Variants in MBD2 observed in about 807,000 individuals in gnomAD.
MBD2 encodes the protein methyl-CpG binding domain protein 2, also known as methyl-CpG-binding domain protein 2.
In MBD2, 9 loss-of-function variants were observed where a neutral mutation model predicts 39.3. The ratio of observed to expected loss-of-function variants is 0.23; its 90% CI spans 0.14 to 0.40. MBD2 has a LOEUF of 0.40. Ranked by LOEUF, MBD2 falls within the 10% of genes least tolerant of loss-of-function variation. MBD2 has a pLI of 1.00. For synonymous variants in MBD2, 233 were observed against 211.1 expected, an observed-to-expected ratio of 1.10 and a Z score of -0.90; for missense variants, 458 against 532.6, an observed-to-expected ratio of 0.86 and a Z score of 1.38.
intron 2 of MBD2, chr18:54,202,929 T>G: frequency 9.7e-7 from 1 of 1,034,244 alleles, no homozygotes; most frequent in South Asian, 1.3e-5. Flanking sequence ...GCCTGGAGTA[T>G]GCAGGGCAGG....
At chr18:54,166,277 C>A in intron 3 of MBD2, 111 bp from the exon 4 acceptor site, 1 of 678,852 alleles carries the variant, frequency 1.5e-6, no homozygotes, top group Admixed American at 2.8e-5. Flanking sequence ...CCTATAATTT[C>A]CTCATTTTTT....
In MBD2 at chr18:54,210,941, G is replaced by T. The variant is rs1023529773; in HGVS notation, c.543-5784C>A. On this transcript the variant is annotated intron_variant, in intron 1 of 6. Transcript: ENST00000256429. ...GGCTGGAGTGCAGTGGCGGGATCTC[G>T]GCTCACTGCAAGCTCCGCCTCCCGG... Among the ~76,000 whole-genome samples, 12 of 143,300 alleles carry T rather than the reference G, an allele frequency of 8.4e-5. No homozygotes were observed. The South Asian group carries it at 2.7e-3, about 33-fold the overall frequency. 94.0% of individuals were successfully genotyped at this position (143,300 alleles called of 152,430 possible).
chr18:54,181,433 C>T (rs2086251328), intron 3 of MBD2, among the ~76,000 whole-genome samples: 1 of 152,168 alleles, frequency 6.6e-6, no homozygotes, highest in Non-Finnish European at 1.5e-5. Flanking sequence ...AGATATCATT[C>T]TCCCACTTTA....
intron 1 of MBD2, among the ~76,000 whole-genome samples, chr18:54,218,014 TCA>T (rs2086575591): frequency 6.6e-6 from 1 of 152,322 alleles, no homozygotes; most frequent in African/African-American, 2.4e-5. Flanking sequence ...CAGGCTTCAA[TCA>T]CACAACATCA....
intron 3 of MBD2, among the ~76,000 whole-genome samples, chr18:54,184,425 C>T (rs1033556252): frequency 6.6e-6 from 1 of 152,158 alleles, no homozygotes; most frequent in Non-Finnish European, 1.5e-5. Flanking sequence ...CCATCCCCCT[C>T]GCCCTCACCT....
At chr18:54,198,956 T>TA (rs1027899253) in intron 2 of MBD2, among the ~76,000 whole-genome samples, 1 of 152,108 alleles carries the variant, frequency 6.6e-6, no homozygotes, top group Non-Finnish European at 1.5e-5. Context: ...AGGAAAGGGG[T>TA]AAAAAATGCA....
At chr18:54,169,914 T>C (rs974438267) in intron 3 of MBD2, among the ~76,000 whole-genome samples, 3 of 152,262 alleles carry the variant, frequency 2.0e-5, no homozygotes, top group African/African-American at 7.2e-5. Flanking sequence ...CTTGTTCTCT[T>C]TGTTACCTTC....
chr18:54,207,228 A>T (rs2086457699), intron 1 of MBD2, among the ~76,000 whole-genome samples: 1 of 152,200 alleles, frequency 6.6e-6, no homozygotes, highest in Non-Finnish European at 1.5e-5. Context: ...TATGCCATAT[A>T]CCTTTGAATC....
intron 3 of MBD2, among the ~76,000 whole-genome samples, chr18:54,177,965 G>A (rs140927548): frequency 0.018 from 2,677 of 150,716 alleles, 81 homozygotes; most frequent in African/African-American, 0.062. Context: ...TCAGCCACCC[G>A]AGTAACTGGA....
intron 5 of MBD2, among the ~76,000 whole-genome samples, chr18:54,162,615 C>T (rs2086105069): frequency 6.6e-6 from 1 of 152,144 alleles, no homozygotes. Context: ...CTCAGAGAAC[C>T]TCCGTCAACA....
At chr18:54,212,282 C>T (rs2086514571) in intron 1 of MBD2, among the ~76,000 whole-genome samples, 1 of 152,122 alleles carries the variant, frequency 6.6e-6, no homozygotes, top group Non-Finnish European at 1.5e-5. Flanking sequence ...ACTACCTCTT[C>T]CACAAAGCCT....
intron 2 of MBD2, chr18:54,203,123 C>G: frequency 6.2e-7 from 1 of 1,611,056 alleles, no homozygotes; most frequent in Non-Finnish European, 8.5e-7. Context: ...AAAGTGCACA[C>G]AAACTGAAGA....
Position 54,224,278 on chromosome 18 carries a change from G to C in MBD2, c.282C>G (p.Arg94=). ...CGCTGCCGCCACTCGGGGGACGGCC[G>C]CGGCCCCGGCCCCGGCCCCGTCCCC... is the stretch of plus-strand genomic sequence containing the variant. The part of the protein sequence containing the change: ...RGRGRGRGRG[R]GRPPSGGSGL... The change falls in exon 1 of 7, where the codon CGC becomes CGG. Residue 94 remains arginine, a synonymous_variant. Coordinates refer to ENST00000256429, the MANE Select transcript of MBD2 (RefSeq NM_003927.5). 2.1e-6 allele frequency: 2 copies of C among 942,260 alleles called. No homozygotes were observed. The highest frequency in any genetic ancestry group is 2.5e-6 in the Non-Finnish European group (2 of 794,130). The allele number at this position is 942,260 out of a possible 1,614,324, so 58.4% of individuals were successfully genotyped here. A position where few individuals can be genotyped will look rare whatever the true frequency, so the allele number is the denominator to read the frequency against.
intron 2 of MBD2, chr18:54,203,123 C>A (rs1285815421): frequency 6.2e-7 from 1 of 1,610,938 alleles, no homozygotes; most frequent in African/African-American, 1.3e-5. Context: ...AAAGTGCACA[C>A]AAACTGAAGA....
intron 3 of MBD2, among the ~76,000 whole-genome samples, chr18:54,188,177 T>C (rs548809837): frequency 6.6e-6 from 1 of 152,262 alleles, no homozygotes; most frequent in Non-Finnish European, 1.5e-5. Flanking sequence ...ATGAACTACC[T>C]AGGCTTTTTG....
chr18:54,178,937 A>G (rs2144298861), intron 3 of MBD2, among the ~76,000 whole-genome samples: 1 of 152,348 alleles, frequency 6.6e-6, no homozygotes, highest in African/African-American at 2.4e-5. Flanking sequence ...GAAAAAAACT[A>G]GAAAGAAAAA....
At chr18:54,163,767 C>T (rs140222840) in intron 5 of MBD2, among the ~76,000 whole-genome samples, 41 of 152,108 alleles carry the variant, frequency 2.7e-4, no homozygotes, top group African/African-American at 6.3e-4. Context: ...CTTGCTCTAC[C>T]GTGTCACAAG....
chr18:54,159,316 A>G (rs2086077041), intron 6 of MBD2, among the ~76,000 whole-genome samples: 2 of 152,216 alleles, frequency 1.3e-5, no homozygotes, highest in Non-Finnish European at 2.9e-5. Context: ...CAATCCAGAG[A>G]GAAGAAACAA....
chr18:54,174,676 A>G (rs1321174186), intron 3 of MBD2, among the ~76,000 whole-genome samples: 1 of 152,214 alleles, frequency 6.6e-6, no homozygotes, highest in Non-Finnish European at 1.5e-5. Flanking sequence ...CTTTAGGTTA[A>G]ATGGTATTTT....
Sources: gnomAD v4.1 joint callset for allele counts (sites outside exome capture counted in the v4.1 genomes callset) on GRCh38, gnomAD v4.1.1 for gene constraint, MANE v1.5 for transcripts, NCBI Gene and HGNC (gene_info 2026-07-23, HGNC 2026-07-21) for gene names.